SUCLG2: variants seen among roughly 807,000 people sequenced by gnomAD.
SUCLG2 encodes succinate-CoA ligase GDP-forming subunit beta, also known as succinate--CoA ligase [GDP-forming] subunit beta, mitochondrial.
SUCLG2 carries 42 observed loss-of-function variants against 47.9 expected under a neutral mutation model. The ratio of observed to expected loss-of-function variants is 0.88; its 90% CI spans 0.69 to 1.14. SUCLG2 has a LOEUF of 1.14. Ranked by LOEUF, SUCLG2 falls within the 50% of genes most tolerant of loss-of-function variation. The pLI, the probability that SUCLG2 is intolerant of heterozygous loss-of-function variation, is 0.00. For synonymous variants in SUCLG2, 195 were observed against 197.3 expected (o/e 0.99, Z 0.10); for missense variants, 571 against 525.9 (o/e 1.09, Z -0.84).
intron 1 of SUCLG2, among the ~76,000 whole-genome samples, chr3:67,637,261 C>G (rs1440722358): frequency 1.3e-5 from 2 of 152,144 alleles, no homozygotes; most frequent in African/African-American, 4.8e-5. Context: ...TGCCTTGAAT[C>G]TTAATAAGCC....
At chr3:67,477,414 G>A (rs1704791843) in intron 9 of SUCLG2, among the ~76,000 whole-genome samples, 1 of 152,216 alleles carries the variant, frequency 6.6e-6, no homozygotes, top group Non-Finnish European at 1.5e-5. Flanking sequence ...CTGGTGAGAG[G>A]CTGGGTGTGG....
chr3:67,546,536 A>T (rs1276759386), intron 2 of SUCLG2, among the ~76,000 whole-genome samples: 1 of 152,154 alleles, frequency 6.6e-6, no homozygotes, highest in African/African-American at 2.4e-5. Flanking sequence ...GGAGTTCGAG[A>T]CCAGCCTGGC....
intron 9 of SUCLG2, among the ~76,000 whole-genome samples, chr3:67,435,404 T>C (rs1703593996): frequency 6.6e-6 from 1 of 152,194 alleles, no homozygotes; most frequent in Non-Finnish European, 1.5e-5. Flanking sequence ...ATAGTGGTAA[T>C]GATAATATGT....
intron 2 of SUCLG2, among the ~76,000 whole-genome samples, chr3:67,532,532 C>T (rs778898386): frequency 6.6e-6 from 1 of 152,166 alleles, no homozygotes; most frequent in Non-Finnish European, 1.5e-5. Context: ...CTCTTAATTG[C>T]TATTTTTATA....
At chr3:67,530,881 A>G (rs1211443664) in intron 2 of SUCLG2, among the ~76,000 whole-genome samples, 1 of 152,246 alleles carries the variant, frequency 6.6e-6, no homozygotes, top group Non-Finnish European at 1.5e-5. Flanking sequence ...CAAGGAAAGC[A>G]ACCAAGTAAA....
chr3:67,546,628 G>C (rs774850117), intron 2 of SUCLG2, among the ~76,000 whole-genome samples: 3 of 152,218 alleles, frequency 2.0e-5, no homozygotes, highest in Non-Finnish European at 4.4e-5. Flanking sequence ...CCAGCTACTC[G>C]GGAGACTGAG....
chr3:67,449,348 C>T (rs544890729), intron 9 of SUCLG2, among the ~76,000 whole-genome samples: 2 of 152,288 alleles, frequency 1.3e-5, no homozygotes, highest in African/African-American at 2.4e-5. Flanking sequence ...AACATGCAGA[C>T]AGGCAGTCAC....
chr3:67,443,088 A>T (rs557885220), intron 9 of SUCLG2, among the ~76,000 whole-genome samples: 2 of 152,348 alleles, frequency 1.3e-5, no homozygotes, highest in East Asian at 3.9e-4. Flanking sequence ...ACAACTACTT[A>T]CATAGCAAGT....
chr3:67,392,892 G>T (rs1308948273), intron 10 of SUCLG2, among the ~76,000 whole-genome samples: 3 of 151,944 alleles, frequency 2.0e-5, no homozygotes, highest in African/African-American at 7.3e-5. Context: ...ATAGCTTGCT[G>T]CAGCCTTGAA....
intron 2 of SUCLG2, among the ~76,000 whole-genome samples, chr3:67,539,801 A>G (rs149869225): frequency 6.6e-6 from 1 of 152,110 alleles, no homozygotes; most frequent in Non-Finnish European, 1.5e-5. Context: ...GGTGTATGTG[A>G]CCAGGAATTC....
chr3:67,409,109 C>T, intron 9 of SUCLG2: 1 of 1,390,914 alleles, frequency 7.2e-7, no homozygotes. Context: ...CTTTACAATA[C>T]AGATATTTCC....
chr3:67,396,536 T>C (rs1702534594), intron 10 of SUCLG2, among the ~76,000 whole-genome samples: 2 of 152,140 alleles, frequency 1.3e-5, no homozygotes, highest in Admixed American at 6.5e-5. Flanking sequence ...ATCAATAGCT[T>C]ACCAACCATA....
At chr3:67,484,708 C>T (rs1396698019) in intron 9 of SUCLG2, among the ~76,000 whole-genome samples, 6 of 152,170 alleles carry the variant, frequency 3.9e-5, no homozygotes, top group Admixed American at 3.9e-4. Flanking sequence ...AGAGATTATT[C>T]AGCGGTGAGG....
chr3:67,464,752 C>A (rs1704428520), intron 9 of SUCLG2, among the ~76,000 whole-genome samples: 2 of 152,160 alleles, frequency 1.3e-5, no homozygotes, highest in African/African-American at 4.8e-5. Context: ...AACAGATGCC[C>A]TACTTTACTT....
At chr3:67,648,972 G>T (rs1357050230) in intron 1 of SUCLG2, among the ~76,000 whole-genome samples, 2 of 152,156 alleles carry the variant, frequency 1.3e-5, no homozygotes, top group East Asian at 3.8e-4. Context: ...GGAGAGCGGG[G>T]AAGACGGCCA....
At chr3:67,636,740 C>T (rs539166758) in intron 1 of SUCLG2, among the ~76,000 whole-genome samples, 3 of 152,078 alleles carry the variant, frequency 2.0e-5, no homozygotes, top group Non-Finnish European at 4.4e-5. Context: ...TCGTGATCTG[C>T]CCACCTCGGC....
chr3:67,488,453 T>G (rs1705120157), intron 9 of SUCLG2, among the ~76,000 whole-genome samples: 1 of 152,194 alleles, frequency 6.6e-6, no homozygotes, highest in Non-Finnish European at 1.5e-5. Context: ...ACATCTCACC[T>G]CTGCTATACA....
At chr3:67,458,083 G>T (rs1343803892) in intron 9 of SUCLG2, among the ~76,000 whole-genome samples, 1 of 152,092 alleles carries the variant, frequency 6.6e-6, no homozygotes, top group East Asian at 1.9e-4. Context: ...ATCACATGGA[G>T]ACAGAGGGGC....
chr3:67,441,505 T>C (rs1302803125), intron 9 of SUCLG2, among the ~76,000 whole-genome samples: 1 of 152,088 alleles, frequency 6.6e-6, no homozygotes, highest in African/African-American at 2.4e-5. Context: ...ATACTCCAAA[T>C]ACTTCTGAGA....
Sources: allele counts gnomAD v4.1 joint callset (sites outside exome capture counted in the v4.1 genomes callset), GRCh38; gene constraint gnomAD v4.1.1; transcripts MANE v1.5; gene names NCBI Gene and HGNC (gene_info 2026-07-23, HGNC 2026-07-21).